Variants in KLF8 observed in about 807,000 individuals in gnomAD.
KLF8 encodes the protein KLF transcription factor 8.
In KLF8, 10 loss-of-function variants were observed where a neutral mutation model predicts 18.2. That is an observed-to-expected ratio of 0.55 (90% CI 0.34 to 0.93). The LOEUF is 0.93. Among genes scored for constraint, KLF8 ranks in the 40% least tolerant of loss-of-function variants. The pLI, the probability that KLF8 is intolerant of heterozygous loss-of-function variation, is 0.02. For missense variants in KLF8, 264 were observed against 277.9 expected (o/e 0.95, Z 0.36); for synonymous variants, 109 against 97.3 (o/e 1.12, Z -0.71).
At chrX:56,060,635 G>T in the KLF8 span, among the ~76,000 whole-genome samples, 1 of 111,708 alleles carries the variant, frequency 9.0e-6, no homozygotes, top group South Asian at 3.7e-4. Context: ...AGGGATATTG[G>T]CCTGAAGTTT....
chrX:55,983,358 AG>A, the KLF8 span, among the ~76,000 whole-genome samples: 4 of 111,565 alleles, frequency 3.6e-5, no homozygotes, highest in African/African-American at 9.8e-5. Flanking sequence ...GAAAAGGAAT[AG>A]GTTAACCATT....
At chrX:56,268,228 T>G (rs965988785) in intron 3 of KLF8, 2 of 111,879 alleles carry the variant, frequency 1.8e-5, no homozygotes, top group Non-Finnish European at 3.8e-5. Context: ...TTAGGTTGGT[T>G]CCACATCTTG....
chrX:56,015,737 GTT>G, the KLF8 span, among the ~76,000 whole-genome samples: 1 of 111,654 alleles, frequency 9.0e-6, no homozygotes, highest in East Asian at 2.8e-4. Flanking sequence ...TTAAGAGGTT[GTT>G]TTAATAGTTA....
chrX:56,284,126 ATGTTGTACATTTATACAG>A (rs1258076976), intron 5 of KLF8, among the ~76,000 whole-genome samples, 169 bp from the exon 6 acceptor site: 2 of 112,732 alleles, frequency 1.8e-5, no homozygotes, highest in Non-Finnish European at 3.8e-5. Flanking sequence ...TCAAAACATC[ATGTTGTACATTTATACAG>A]TGCTTCTCAA....
chrX:55,980,787 A>G, the KLF8 span, among the ~76,000 whole-genome samples: 2 of 112,420 alleles, frequency 1.8e-5, no homozygotes, highest in East Asian at 5.6e-4. Flanking sequence ...CACTTTGTGC[A>G]CAAATTATGT....
the KLF8 span, among the ~76,000 whole-genome samples, chrX:55,917,530 A>T: frequency 8.9e-6 from 1 of 112,112 alleles, no homozygotes; most frequent in East Asian, 2.8e-4. Context: ...TGTTAAAGTT[A>T]TCCCGTTTTA....
the KLF8 span, among the ~76,000 whole-genome samples, chrX:56,042,361 TG>T: frequency 9.0e-6 from 1 of 111,194 alleles, no homozygotes; most frequent in Non-Finnish European, 1.9e-5. Flanking sequence ...TGATTTGGGG[TG>T]GAGAGTTCTG....
the KLF8 span, among the ~76,000 whole-genome samples, chrX:55,947,200 C>T: frequency 2.7e-5 from 3 of 110,709 alleles, no homozygotes; most frequent in African/African-American, 6.6e-5. Context: ...ATGTTTTTTG[C>T]AGCACTATTC....
the KLF8 span, among the ~76,000 whole-genome samples, chrX:56,088,568 T>G: frequency 8.9e-6 from 1 of 111,831 alleles, no homozygotes; most frequent in Non-Finnish European, 1.9e-5. Flanking sequence ...CATCACATAC[T>G]TTCCTTTTTA....
At chrX:56,280,250 C>T (rs1304490997) in intron 5 of KLF8, among the ~76,000 whole-genome samples, 2 of 111,276 alleles carry the variant, frequency 1.8e-5, no homozygotes, top group African/African-American at 3.3e-5. Flanking sequence ...TTTTTTTTCC[C>T]CAAGTCAGAG....
chrX:55,929,813 A>AT, the KLF8 span, among the ~76,000 whole-genome samples: 3,181 of 91,998 alleles, frequency 0.035, 81 homozygotes, highest in African/African-American at 0.091. Flanking sequence ...ATGCCTCCAG[A>AT]TTTTTTTTTT....
chrX:56,283,642 A>G (rs1349104985), intron 5 of KLF8, among the ~76,000 whole-genome samples: 2 of 112,012 alleles, frequency 1.8e-5, no homozygotes, highest in Admixed American at 9.5e-5. Context: ...AAGTGCTGGG[A>G]TTACAGGCGT....
chrX:56,107,113 C>A, the KLF8 span, among the ~76,000 whole-genome samples: 2 of 111,543 alleles, frequency 1.8e-5, no homozygotes, highest in Non-Finnish European at 3.8e-5. Flanking sequence ...GGGCACCCCC[C>A]TCTATGAGGT....
At chrX:56,069,793 G>T in the KLF8 span, among the ~76,000 whole-genome samples, 1 of 111,829 alleles carries the variant, frequency 8.9e-6, no homozygotes, top group Admixed American at 9.5e-5. Context: ...CAGCGGTCTT[G>T]CCCAGCTTCC....
the KLF8 span, among the ~76,000 whole-genome samples, chrX:56,121,352 C>T: frequency 9.0e-6 from 1 of 110,724 alleles, no homozygotes; most frequent in Non-Finnish European, 1.9e-5. Flanking sequence ...GAAAGAATAG[C>T]CTGCAGTTAG....
chrX:56,237,915 A>C (rs2147566138), intron 1 of KLF8, among the ~76,000 whole-genome samples: 1 of 111,915 alleles, frequency 8.9e-6, no homozygotes, highest in South Asian at 3.8e-4. Context: ...GGGAGGAGAA[A>C]GAGTGAATTC....
At chrX:56,023,504 T>C in the KLF8 span, among the ~76,000 whole-genome samples, 1 of 111,875 alleles carries the variant, frequency 8.9e-6, no homozygotes, top group Non-Finnish European at 1.9e-5. Flanking sequence ...CCAAACAGAA[T>C]TTTTGACAAA....
chrX:56,275,045 G>A (rs771799951), intron 5 of KLF8, among the ~76,000 whole-genome samples: 11 of 111,233 alleles, frequency 9.9e-5, no homozygotes, highest in Admixed American at 3.8e-4. Flanking sequence ...GAGGATTGTC[G>A]TTAATATTTT....
At chrX:56,250,125 C>A in intron 1 of KLF8, 106 bp from the exon 2 acceptor site, 1 of 554,468 alleles carries the variant, frequency 1.8e-6, no homozygotes, top group Non-Finnish European at 3.0e-6. Context: ...CTGGTAAGCA[C>A]TGAAAGATAA....
Sources: allele counts gnomAD v4.1 joint callset (sites outside exome capture counted in the v4.1 genomes callset), GRCh38; gene constraint gnomAD v4.1.1; transcripts MANE v1.5; gene names NCBI Gene and HGNC (gene_info 2026-07-23, HGNC 2026-07-21).